Variants in CACNA2D3 observed in about 807,000 individuals in gnomAD.
CACNA2D3 encodes calcium voltage-gated channel auxiliary subunit alpha2delta 3.
Under a neutral mutation model 160.6 loss-of-function variants are expected in CACNA2D3, and 60 were observed. The ratio of observed to expected loss-of-function variants is 0.37; its 90% CI spans 0.30 to 0.46. The LOEUF is 0.46. Among genes scored for constraint, CACNA2D3 ranks in the 20% least tolerant of loss-of-function variants. The pLI is 1.00. For missense variants in CACNA2D3, 1,205 were observed against 1,365.0 expected (o/e 0.88, Z 1.85); for synonymous variants, 558 against 492.9 (o/e 1.13, Z -1.75).
At position 54,422,119 on chromosome 3, in the gene CACNA2D3, C is replaced by G. The variant is rs78166597; in HGVS notation, c.381+35345C>G. Reference sequence around the variant, plus strand: ...GTCAGGGTTCACTGGTTGGAGAAAACGAGCCCTGCTTTTGTAAAGCAGTTA... The same window carrying G: ...GTCAGGGTTCACTGGTTGGAGAAAAGGAGCCCTGCTTTTGTAAAGCAGTTA... On this transcript the variant is annotated intron_variant, in intron 4 of 37. Coordinates refer to ENST00000474759, the MANE Select transcript of CACNA2D3 (RefSeq NM_018398.3). Among the ~76,000 whole-genome samples, 1,021 of 152,300 alleles carry G rather than the reference C, an allele frequency of 6.7e-3. 11 individuals carry two copies. Among genetic ancestry groups the G allele is most frequent in the African/African-American group, 0.023 (976 of 41,564 alleles).
intron 31 of CACNA2D3, among the ~76,000 whole-genome samples, chr3:54,995,602 G>C (rs967362394): frequency 6.6e-6 from 1 of 152,094 alleles, no homozygotes; most frequent in African/African-American, 2.4e-5. Context: ...AGCTCCAAAA[G>C]GCCAAGTTTC....
At chr3:54,563,820 C>G (rs1163738416) in intron 6 of CACNA2D3, among the ~76,000 whole-genome samples, 1 of 152,276 alleles carries the variant, frequency 6.6e-6, no homozygotes, top group African/African-American at 2.4e-5. Context: ...GAGGCACAGA[C>G]TGCCGGCCTC....
At chr3:54,457,931 A>G (rs958716501) in intron 4 of CACNA2D3, among the ~76,000 whole-genome samples, 1 of 151,910 alleles carries the variant, frequency 6.6e-6, no homozygotes, top group African/African-American at 2.4e-5. Flanking sequence ...ATTTGTATGG[A>G]TATCATTTTT....
chr3:54,410,709 A>G (rs2106726018), intron 4 of CACNA2D3, among the ~76,000 whole-genome samples: 1 of 152,222 alleles, frequency 6.6e-6, no homozygotes, highest in East Asian at 1.9e-4. Context: ...GGGGATGTAC[A>G]AAGAGATTAA....
intron 2 of CACNA2D3, among the ~76,000 whole-genome samples, chr3:54,273,364 CTG>C (rs1188664714): frequency 6.6e-6 from 1 of 152,150 alleles, no homozygotes; most frequent in Non-Finnish European, 1.5e-5. Flanking sequence ...GTCTCTTTGT[CTG>C]TGTCTGTCTG....
At chr3:54,162,052 C>G (rs1700355580) in intron 2 of CACNA2D3, among the ~76,000 whole-genome samples, 1 of 152,166 alleles carries the variant, frequency 6.6e-6, no homozygotes, top group African/African-American at 2.4e-5. Context: ...TGAGACAAGG[C>G]AAGAGATGGA....
At chr3:54,989,817 C>T (rs937349971) in intron 31 of CACNA2D3, among the ~76,000 whole-genome samples, 1 of 152,188 alleles carries the variant, frequency 6.6e-6, no homozygotes, top group Non-Finnish European at 1.5e-5. Flanking sequence ...GGTATTGCTT[C>T]ATCTACATTT....
intron 2 of CACNA2D3, among the ~76,000 whole-genome samples, chr3:54,194,140 A>G (rs1701029837): frequency 6.6e-6 from 1 of 152,154 alleles, no homozygotes; most frequent in Non-Finnish European, 1.5e-5. Context: ...AATTAAAAGG[A>G]ATATGTTCTA....
At chr3:54,223,607 T>G (rs1317625277) in intron 2 of CACNA2D3, among the ~76,000 whole-genome samples, 1 of 152,008 alleles carries the variant, frequency 6.6e-6, no homozygotes, top group East Asian at 1.9e-4. Context: ...TGTAATCCCA[T>G]CACTTTGGGA....
At chr3:54,260,821 C>A (rs1057097227) in intron 2 of CACNA2D3, among the ~76,000 whole-genome samples, 13 of 152,104 alleles carry the variant, frequency 8.5e-5, no homozygotes, top group Non-Finnish European at 1.5e-5. Context: ...ACACCTGGCT[C>A]ATCACTCTAG....
chr3:54,416,223 A>G (rs575238078), intron 4 of CACNA2D3, among the ~76,000 whole-genome samples: 1 of 152,320 alleles, frequency 6.6e-6, no homozygotes, highest in Non-Finnish European at 1.5e-5. Context: ...AGAATAAAAT[A>G]TTAACTCCCA....
At chr3:54,436,610 A>G (rs1355266784) in intron 4 of CACNA2D3, among the ~76,000 whole-genome samples, 2 of 152,240 alleles carry the variant, frequency 1.3e-5, no homozygotes, top group Admixed American at 6.5e-5. Flanking sequence ...AAAAAAGAAT[A>G]GAGTCCATGT....
At chr3:54,401,060 A>G (rs749730633) in intron 4 of CACNA2D3, among the ~76,000 whole-genome samples, 2 of 152,130 alleles carry the variant, frequency 1.3e-5, no homozygotes, top group Non-Finnish European at 2.9e-5. Flanking sequence ...AAAAGAACCA[A>G]ATAAAAATCT....
intron 35 of CACNA2D3, among the ~76,000 whole-genome samples, chr3:55,061,250 G>C (rs1704498983): frequency 6.6e-6 from 1 of 152,202 alleles, no homozygotes; most frequent in African/African-American, 2.4e-5. Flanking sequence ...GAATATGCTG[G>C]TCCGATTTAA....
intron 5 of CACNA2D3, among the ~76,000 whole-genome samples, chr3:54,553,991 A>G (rs1481093946): frequency 6.6e-6 from 1 of 152,184 alleles, no homozygotes; most frequent in African/African-American, 2.4e-5. Context: ...ATCTGCTAAA[A>G]TCCTTGCCAC....
At chr3:54,341,012 T>C (rs1220034762) in intron 3 of CACNA2D3, among the ~76,000 whole-genome samples, 1 of 152,340 alleles carries the variant, frequency 6.6e-6, no homozygotes, top group East Asian at 1.9e-4. Context: ...ACGCCTGCTG[T>C]CCCCTCACCT....
At chr3:54,925,030 G>A in intron 27 of CACNA2D3, 1 of 1,614,188 alleles carries the variant, frequency 6.2e-7, no homozygotes, top group Non-Finnish European at 8.5e-7. Flanking sequence ...AAAGCAGGAA[G>A]ATGGTGTATC....
chr3:54,253,191 T>G (rs1702229427), intron 2 of CACNA2D3, among the ~76,000 whole-genome samples: 1 of 152,084 alleles, frequency 6.6e-6, no homozygotes, highest in African/African-American at 2.4e-5. Context: ...CTTGTGGTGT[T>G]AATTCTTTCT....
chr3:55,063,696 G>A (rs930012539), intron 35 of CACNA2D3, among the ~76,000 whole-genome samples: 1 of 152,072 alleles, frequency 6.6e-6, no homozygotes, highest in Non-Finnish European at 1.5e-5. Flanking sequence ...GAACATAAAG[G>A]CCCTGTTTGC....
Sources: gnomAD v4.1 joint callset for allele counts (sites outside exome capture counted in the v4.1 genomes callset) on GRCh38, gnomAD v4.1.1 for gene constraint, MANE v1.5 for transcripts, NCBI Gene and HGNC (gene_info 2026-07-23, HGNC 2026-07-21) for gene names.